Variants in NBEA observed in about 807,000 individuals in gnomAD.
NBEA encodes neurobeachin.
Under a neutral mutation model 343.4 loss-of-function variants are expected in NBEA, and 44 were observed. The ratio of observed to expected loss-of-function variants is 0.13; its 90% CI spans 0.10 to 0.16. The LOEUF (loss-of-function observed/expected upper bound fraction) is 0.16, where lower values mean the gene tolerates loss of function less well. Among genes scored for constraint, NBEA ranks in the 10% least tolerant of loss-of-function variants. NBEA has a pLI of 1.00. For synonymous variants in NBEA, 1,175 were observed against 1,238.7 expected (o/e 0.95, Z 1.08); for missense variants, 2,555 against 3,631.3 (o/e 0.70, Z 7.62).
chr13:35,124,641 T>C (rs2066996759), intron 17 of NBEA, among the ~76,000 whole-genome samples: 1 of 142,688 alleles, frequency 7.0e-6, no homozygotes, highest in Admixed American at 6.9e-5. Flanking sequence ...TACACACACA[T>C]ATATGGATAT....
chr13:35,155,652 A>C, intron 18 of NBEA, 122 bp from the exon 19 acceptor site: 12 of 696,850 alleles, frequency 1.7e-5, no homozygotes, highest in Admixed American at 2.7e-5. Context: ...TCCCTTTAGA[A>C]GAGATGTTTC....
chr13:35,233,614 A>C (rs1413382208), intron 34 of NBEA, among the ~76,000 whole-genome samples: 1 of 152,102 alleles, frequency 6.6e-6, no homozygotes, highest in Non-Finnish European at 1.5e-5. Flanking sequence ...CTCTTAGAAT[A>C]TTGTCACATA....
intron 41 of NBEA, chr13:35,476,752 C>T: frequency 9.5e-7 from 1 of 1,055,306 alleles, no homozygotes. Flanking sequence ...GGCGGCCAAT[C>T]GCCACTGGGC....
At chr13:35,554,803 T>C (rs1460069453) in intron 43 of NBEA, among the ~76,000 whole-genome samples, 184 bp from the exon 44 acceptor site, 2 of 152,236 alleles carry the variant, frequency 1.3e-5, no homozygotes, top group African/African-American at 4.8e-5. Context: ...GTGTATCTTC[T>C]CTATAATAGA....
intron 1 of NBEA, among the ~76,000 whole-genome samples, chr13:34,969,743 A>G (rs188650709): frequency 2.0e-5 from 3 of 151,570 alleles, no homozygotes; most frequent in East Asian, 3.9e-4. Context: ...TTATGGCTGC[A>G]TAGTATTCCA....
In NBEA at chr13:35,654,136, G is replaced by A. The variant is rs182103743; in HGVS notation, c.8036-719G>A. Among the ~76,000 whole-genome samples, 331 of 152,316 alleles carry A rather than the reference G, an allele frequency of 2.2e-3. 1 individual carries two copies. Among genetic ancestry groups the A allele is most frequent in the Non-Finnish European group, 2.1e-3 (146 of 68,020 alleles). On this transcript the variant is annotated intron_variant, in intron 53 of 58. Coordinates refer to ENST00000379939, the MANE Select transcript of NBEA (RefSeq NM_001385012.1). ...ATGGTGCGCAGTAAGGGACAGGCTG[G>A]CATGCAGACAGGCACTGGGGAAATC...
intron 1 of NBEA, among the ~76,000 whole-genome samples, chr13:35,008,471 A>C (rs928045416): frequency 6.6e-6 from 1 of 152,206 alleles, no homozygotes; most frequent in Non-Finnish European, 1.5e-5. Context: ...TGTTTACGAA[A>C]TAGTGACTAG....
intron 34 of NBEA, among the ~76,000 whole-genome samples, chr13:35,249,452 A>G (rs1044259575): frequency 2.6e-5 from 4 of 152,204 alleles, no homozygotes; most frequent in Non-Finnish European, 5.9e-5. Context: ...TAAAAATGAT[A>G]TAGTCAAAAG....
At chr13:35,252,632 T>C (rs2032115531) in intron 34 of NBEA, among the ~76,000 whole-genome samples, 1 of 152,154 alleles carries the variant, frequency 6.6e-6, no homozygotes, top group African/African-American at 2.4e-5. Context: ...ATGATGGATA[T>C]GTAGCTGAAC....
At chr13:35,058,126 G>A (rs560313136) in intron 7 of NBEA, among the ~76,000 whole-genome samples, 27 of 152,128 alleles carry the variant, frequency 1.8e-4, no homozygotes, top group Non-Finnish European at 2.9e-4. Flanking sequence ...TTCCTCTTGT[G>A]GAGAGCACTG....
chr13:35,551,134 G>A, intron 43 of NBEA, 102 bp downstream of exon 43: 1 of 623,540 alleles, frequency 1.6e-6, no homozygotes, highest in Non-Finnish European at 2.5e-6. Context: ...TTATTTCAGA[G>A]ACCAAAGAAT....
Position 35,134,724 on chromosome 13 carries a change from T to G in NBEA, c.2337-7545T>G, listed in dbSNP as rs148413255. Reference sequence around the variant, plus strand: ...AAGTAAAGTAGGAAGTACAAATTAGTAAGGGTGGAGGCTAACATGAAGAAA... The same window carrying G: ...AAGTAAAGTAGGAAGTACAAATTAGGAAGGGTGGAGGCTAACATGAAGAAA... On this transcript the variant is annotated intron_variant, in intron 17 of 58. Transcript: ENST00000379939. Among the ~76,000 whole-genome samples, 107 of 152,022 alleles carry G rather than the reference T, an allele frequency of 7.0e-4. 1 individual carries two copies. The East Asian group carries it at 0.017, about 24-fold the overall frequency.
At chr13:35,048,443 T>C in intron 4 of NBEA, 120 bp from the exon 5 acceptor site, 2 of 875,210 alleles carry the variant, frequency 2.3e-6, no homozygotes, top group South Asian at 4.5e-5. Flanking sequence ...ATGGATTTGT[T>C]TGTGATTTTC....
Position 35,420,807 on chromosome 13 carries a change from CCTT to C in NBEA, c.6180-11458_6180-11456del, listed in dbSNP as rs1485911023. Among the ~76,000 whole-genome samples the C allele has an allele frequency of 3.3e-5, 5 of 151,916 alleles. No homozygotes were observed. In the East Asian group the frequency reaches 7.7e-4, roughly 23 times the overall value. Reference sequence around the variant, plus strand: ...TGTAGAGTCTTTCACAGTATCCACTCCTTCTTTTGATGTCTTCAGAGTCACTAG... The same window carrying C: ...TGTAGAGTCTTTCACAGTATCCACTCCTTTTGATGTCTTCAGAGTCACTAG... On this transcript the variant is annotated intron_variant, in intron 38 of 58. Coordinates refer to ENST00000379939, the MANE Select transcript of NBEA (RefSeq NM_001385012.1).
chr13:35,121,068 T>C (rs1369655866), intron 16 of NBEA, among the ~76,000 whole-genome samples: 3 of 152,224 alleles, frequency 2.0e-5, no homozygotes, highest in South Asian at 2.1e-4. Context: ...CAGTTCTATA[T>C]TTGAGTGTAG....
At chr13:35,161,461 TGGGGTAAAG>T (rs1246957729) in intron 22 of NBEA, among the ~76,000 whole-genome samples, 1 of 152,158 alleles carries the variant, frequency 6.6e-6, no homozygotes, top group African/African-American at 2.4e-5. Flanking sequence ...AGACTCTTAA[TGGGGTAAAG>T]GGGTCTGGTT....
At chr13:35,044,833 G>T (rs201041916) in intron 2 of NBEA, 114 bp from the exon 3 acceptor site, 6,264 of 415,060 alleles carry the variant, frequency 0.015, 43 homozygotes, top group African/African-American at 0.031. Flanking sequence ...TATATATAGA[G>T]AGAGAGAGAG....
At position 35,257,618 on chromosome 13, in the gene NBEA, C is replaced by T. The variant is rs1460496556; in HGVS notation, c.5776+24999C>T. On this transcript the variant is annotated intron_variant, in intron 34 of 58. Transcript: ENST00000379939. ...TGACATGAAGAAAATGGAAAGGAAACTTAGCTATGTTCAATAATCTAATGA... is the reference window on the plus strand; with the variant it reads ...TGACATGAAGAAAATGGAAAGGAAATTTAGCTATGTTCAATAATCTAATGA... Among the ~76,000 whole-genome samples, 3 of 152,066 alleles carry T rather than the reference C, an allele frequency of 2.0e-5. No homozygotes were observed. In the East Asian group the frequency reaches 5.8e-4, roughly 29 times the overall value.
chr13:35,604,578 C>G (rs1018098666), intron 47 of NBEA, among the ~76,000 whole-genome samples: 11 of 152,066 alleles, frequency 7.2e-5, no homozygotes, highest in Non-Finnish European at 1.6e-4. Flanking sequence ...CTTTGTCACC[C>G]AGTGTCTTGC....
Sources: allele counts gnomAD v4.1 joint callset (sites outside exome capture counted in the v4.1 genomes callset), GRCh38; gene constraint gnomAD v4.1.1; transcripts MANE v1.5; gene names NCBI Gene and HGNC (gene_info 2026-07-23, HGNC 2026-07-21).